The following LMF1 variants were observed in gnomAD, a reference collection of about 807,000 sequenced individuals.
LMF1 encodes the protein transmembrane protein 112.
In LMF1, 68 loss-of-function variants were observed where a neutral mutation model predicts 60.6. That is an observed-to-expected ratio of 1.12 (90% CI 0.92 to 1.37). The LOEUF (loss-of-function observed/expected upper bound fraction) is 1.37. LMF1 is among the 40% of genes most tolerant of loss of function. The pLI, the probability that LMF1 is intolerant of heterozygous loss-of-function variation, is 0.00. For missense variants in LMF1, 948 were observed against 767.2 expected (o/e 1.24, Z -2.78); for synonymous variants, 418 against 324.7 (o/e 1.29, Z -3.09).
At chr16:953,128 T>C (rs370025040) in intron 2 of LMF1, among the ~76,000 whole-genome samples, 22 of 70,430 alleles carry the variant, frequency 3.1e-4, no homozygotes, top group East Asian at 8.5e-4. Context: ...GCCTCCTACA[T>C]ATCCACACAG....
intron 2 of LMF1, among the ~76,000 whole-genome samples, chr16:950,252 C>A (rs1267374686): frequency 2.9e-5 from 3 of 103,194 alleles, no homozygotes; most frequent in African/African-American, 5.7e-5. Flanking sequence ...ACAGAGTCAG[C>A]CAACGACAGA....
At chr16:968,257 C>T (rs2072967404) in intron 1 of LMF1, 1 of 152,236 alleles carries the variant, frequency 6.6e-6, no homozygotes, top group Admixed American at 6.5e-5. Flanking sequence ...CCCGACAGGG[C>T]AGGCGTTTCT....
At chr16:859,902 G>A (rs981150251) in intron 10 of LMF1, among the ~76,000 whole-genome samples, 2 of 142,590 alleles carry the variant, frequency 1.4e-5, no homozygotes, top group Non-Finnish European at 3.0e-5. Context: ...TCTCGGGATG[G>A]GTGTGCAGTG....
At chr16:855,504 C>T (rs977810117) in intron 10 of LMF1, 3 of 358,508 alleles carry the variant, frequency 8.4e-6, no homozygotes, top group African/African-American at 2.1e-5. Flanking sequence ...GGGGGTGGGA[C>T]GAAGCCCCCT....
rs201089458 is a variant in LMF1 at position 955,192 on chromosome 16, T to C, written c.194-526A>G. ...CAGTGTGTGCATACACACACACACA[T>C]CTAAGTAAACTAGACAAGTTACATA... is the stretch of plus-strand genomic sequence containing the variant. On this transcript the variant is annotated intron_variant, in intron 1 of 10. Coordinates refer to ENST00000262301, the MANE Select transcript of LMF1 (RefSeq NM_022773.4). 3.8e-5 allele frequency among the ~76,000 whole-genome samples: 4 copies of C among 105,226 alleles called. 1 individual carries two copies. The East Asian group carries it at 9.4e-4, about 25-fold the overall frequency. The allele number at this position is 105,226 out of a possible 152,430, so 69.0% of individuals were successfully genotyped here. A position where few individuals can be genotyped will look rare whatever the true frequency, so the allele number is the denominator to read the frequency against.
chr16:956,801 G>A (rs71380224), intron 1 of LMF1, among the ~76,000 whole-genome samples: 11,025 of 145,952 alleles, frequency 0.076, 738 homozygotes, highest in African/African-American at 0.18. Flanking sequence ...CCAAGATTGC[G>A]CCACTGCACT....
chr16:889,737 C>T (rs2070423140), intron 5 of LMF1, among the ~76,000 whole-genome samples: 1 of 152,178 alleles, frequency 6.6e-6, no homozygotes, highest in Admixed American at 6.5e-5. Flanking sequence ...GGGCCTGCCA[C>T]CTTCCGGAAT....
At chr16:908,728 G>C (rs1288484860) in intron 4 of LMF1, among the ~76,000 whole-genome samples, 1 of 152,220 alleles carries the variant, frequency 6.6e-6, no homozygotes, top group African/African-American at 2.4e-5. Flanking sequence ...CAGCCCGCAG[G>C]GTTCACACAG....
intron 1 of LMF1, chr16:968,872 G>T (rs2072980736): frequency 6.6e-6 from 1 of 152,218 alleles, no homozygotes; most frequent in South Asian, 2.1e-4. Context: ...CAAGGCCGCT[G>T]GGACTTCCTG....
upstream of LMF1, among the ~76,000 whole-genome samples, chr16:974,950 A>T (rs2073107018): frequency 6.6e-6 from 1 of 152,122 alleles, no homozygotes; most frequent in African/African-American, 2.4e-5. Context: ...GGATGCTAAC[A>T]TCTGTTGCCT....
intron 6 of LMF1, chr16:873,070 T>G (rs1322070542): frequency 1.3e-5 from 2 of 152,282 alleles, no homozygotes; most frequent in Non-Finnish European, 2.9e-5. Flanking sequence ...CTAAGAAAGC[T>G]TCGGGGCTCG....
At chr16:908,201 T>C (rs981333480) in intron 4 of LMF1, among the ~76,000 whole-genome samples, 16 of 152,266 alleles carry the variant, frequency 1.1e-4, no homozygotes, top group African/African-American at 3.9e-4. Context: ...CCTGTGAGAA[T>C]ATCTGTATTC....
intron 3 of LMF1, among the ~76,000 whole-genome samples, chr16:918,449 G>C (rs544395792): frequency 6.6e-6 from 1 of 152,228 alleles, no homozygotes; most frequent in Non-Finnish European, 1.5e-5. Context: ...ATTAGACTTC[G>C]CGGCAAAGAG....
intron 1 of LMF1, among the ~76,000 whole-genome samples, chr16:956,841 T>C (rs1446029947): frequency 2.9e-5 from 2 of 68,034 alleles, no homozygotes; most frequent in Non-Finnish European, 5.0e-5. Flanking sequence ...CAAAACTCCA[T>C]CTCAAAAAAA....
intron 10 of LMF1, among the ~76,000 whole-genome samples, chr16:864,251 T>C (rs970521497): frequency 1.3e-5 from 2 of 152,232 alleles, no homozygotes; most frequent in Admixed American, 1.3e-4. Context: ...AATCCTTTAT[T>C]TTCATTAATA....
In LMF1 at chr16:954,437, C is replaced by T. The variant is rs775778352; in HGVS notation, c.423G>A (p.Leu141=). Residue 141 remains leucine, a synonymous_variant, in exon 2 of 11, where the codon CTG becomes CTA. Transcript: ENST00000262301. ...GAAGCATGTTGGCGCAGCCCGTGAT[C>T]AGTACGAAAGACGAGATGCCCAGTC... ...LLGLGISSFV[L]ITGCANMLLM... The T allele has an allele frequency of 2.4e-5, 39 of 1,612,840 alleles. No individual in the cohort carries two copies. Among genetic ancestry groups the T allele is most frequent in the Non-Finnish European group, 3.1e-5 (37 of 1,179,648 alleles).
intron 6 of LMF1, chr16:871,956 G>A (rs2069808202): frequency 6.6e-6 from 1 of 152,484 alleles, no homozygotes; most frequent in African/African-American, 2.4e-5. Flanking sequence ...TCCAAGGAAA[G>A]ACTCAGCAGC....
At chr16:969,346 G>C (rs2072991684) in intron 1 of LMF1, among the ~76,000 whole-genome samples, 1 of 151,972 alleles carries the variant, frequency 6.6e-6, no homozygotes, top group South Asian at 2.1e-4. Context: ...TAAAATAGTT[G>C]CTTTAAAGAA....
intron 2 of LMF1, among the ~76,000 whole-genome samples, chr16:943,130 G>C (rs1567285589): frequency 6.6e-6 from 1 of 152,094 alleles, no homozygotes; most frequent in Non-Finnish European, 1.5e-5. Flanking sequence ...CCAGCACTTT[G>C]GGAGGCCGAG....
Sources: allele counts gnomAD v4.1 joint callset (sites outside exome capture counted in the v4.1 genomes callset), GRCh38; gene constraint gnomAD v4.1.1; transcripts MANE v1.5; gene names NCBI Gene and HGNC (gene_info 2026-07-23, HGNC 2026-07-21).